The following ESRRG variants were observed in gnomAD, a reference collection of about 807,000 sequenced individuals.
ESRRG encodes the protein estrogen-related receptor gamma.
Under a neutral mutation model 44.0 loss-of-function variants are expected in ESRRG, and 13 were observed. The observed-to-expected ratio is 0.30, with a 90% CI of 0.19 to 0.47. The LOEUF is 0.47. Ranked by LOEUF, ESRRG falls within the 20% of genes least tolerant of loss-of-function variation. ESRRG has a pLI of 1.00. For missense variants in ESRRG, 395 were observed against 580.6 expected, an observed-to-expected ratio of 0.68 and a Z score of 3.29; for synonymous variants, 215 against 214.6, an observed-to-expected ratio of 1.00 and a Z score of -0.02.
intron 5 of ESRRG, among the ~76,000 whole-genome samples, chr1:216,540,643 T>C (rs1271121965): frequency 6.6e-6 from 1 of 152,022 alleles, no homozygotes; most frequent in Admixed American, 6.6e-5. Flanking sequence ...GTAATAGTGC[T>C]ACATGCTAAT....
intron 1 of ESRRG, chr1:217,000,135 A>G (rs2076842134): frequency 6.6e-6 from 1 of 152,190 alleles, no homozygotes; most frequent in East Asian, 1.9e-4. Context: ...TTTTCATCTG[A>G]ATGCTGCTTA....
chr1:216,880,895 T>G (rs910664530), intron 2 of ESRRG, among the ~76,000 whole-genome samples: 2 of 152,166 alleles, frequency 1.3e-5, no homozygotes, highest in Non-Finnish European at 2.9e-5. Context: ...CCACTATTAC[T>G]GAAAACACAC....
intron 2 of ESRRG, among the ~76,000 whole-genome samples, chr1:216,879,893 C>T (rs1316376598): frequency 6.6e-6 from 1 of 152,126 alleles, no homozygotes; most frequent in African/African-American, 2.4e-5. Flanking sequence ...TAATACATCA[C>T]TAACTAGGAT....
chr1:217,046,926 G>A (rs1263866588), intron 1 of ESRRG, among the ~76,000 whole-genome samples: 1 of 152,034 alleles, frequency 6.6e-6, no homozygotes, highest in East Asian at 1.9e-4. Flanking sequence ...CAACATCATT[G>A]GAAAGAGACA....
Position 216,735,987 on chromosome 1 carries a change from A to AAAAAAAAATAT in ESRRG, c.-13-58497_-13-58496insATATTTTTTTT, listed in dbSNP as rs1453476198. On this transcript the variant is annotated intron_variant, in intron 2 of 7. Coordinates refer to the ESRRG transcript ENST00000359162. ...AGCAATACTCCCCATCTCAAAAAAA[A>AAAAAAAAATAT]ATATATATATATATATATATACACA... Among the ~76,000 whole-genome samples, 363 of 137,070 alleles carry AAAAAAAAATAT rather than the reference A, an allele frequency of 2.6e-3. 2 individuals are homozygous for AAAAAAAAATAT. Among genetic ancestry groups the AAAAAAAAATAT allele is most frequent in the Non-Finnish European group, 3.7e-3 (235 of 63,886 alleles). The allele number at this position is 137,070 out of a possible 152,430, so 89.9% of individuals were successfully genotyped here. A position where few individuals can be genotyped will look rare whatever the true frequency, so the allele number is the denominator to read the frequency against.
intron 1 of ESRRG, among the ~76,000 whole-genome samples, chr1:216,953,993 T>A (rs1487458905): frequency 1.3e-5 from 2 of 152,054 alleles, no homozygotes; most frequent in Non-Finnish European, 2.9e-5. Context: ...GCCCAGACAC[T>A]TTATATTACT....
At chr1:216,702,260 AGATTATAGAT>A (rs2081509156) in intron 1 of ESRRG, among the ~76,000 whole-genome samples, 1 of 152,198 alleles carries the variant, frequency 6.6e-6, no homozygotes, top group Non-Finnish European at 1.5e-5. Context: ...ATTAACATCC[AGATTATAGAT>A]TCTCTAGTCT....
chr1:216,881,267 T>C (rs1186564888), intron 2 of ESRRG, among the ~76,000 whole-genome samples: 3 of 152,204 alleles, frequency 2.0e-5, no homozygotes, highest in African/African-American at 7.2e-5. Flanking sequence ...AGAAAGCAGA[T>C]GCAGATTATC....
intron 3 of ESRRG, among the ~76,000 whole-genome samples, chr1:216,577,308 A>C (rs1304219595): frequency 7.2e-5 from 11 of 152,048 alleles, no homozygotes; most frequent in African/African-American, 2.4e-4. Flanking sequence ...CTATTGAAAA[A>C]AGATACTACT....
intron 6 of ESRRG, among the ~76,000 whole-genome samples, chr1:216,510,623 C>T (rs1315850797): frequency 2.0e-5 from 3 of 152,266 alleles, no homozygotes; most frequent in Admixed American, 6.5e-5. Flanking sequence ...CGGTGGCTCA[C>T]GCCTGTAATC....
chr1:216,672,140 A>G (rs1399733161), intron 2 of ESRRG, among the ~76,000 whole-genome samples: 1 of 152,204 alleles, frequency 6.6e-6, no homozygotes, highest in Non-Finnish European at 1.5e-5. Context: ...AAGAATAACA[A>G]TATCACATCC....
At chr1:216,885,029 C>G (rs1559982575) in intron 2 of ESRRG, among the ~76,000 whole-genome samples, 1 of 152,040 alleles carries the variant, frequency 6.6e-6, no homozygotes, top group South Asian at 2.1e-4. Context: ...TGTACTGGGT[C>G]CCTGAAAGGA....
intron 3 of ESRRG, among the ~76,000 whole-genome samples, chr1:216,593,560 C>T (rs2058012321): frequency 6.6e-6 from 1 of 152,154 alleles, no homozygotes; most frequent in Non-Finnish European, 1.5e-5. Flanking sequence ...TCTAATTATT[C>T]CTCTAAAAAT....
intron 2 of ESRRG, among the ~76,000 whole-genome samples, chr1:216,773,366 GTTTTC>G (rs2093460469): frequency 6.6e-6 from 1 of 152,068 alleles, no homozygotes. Flanking sequence ...GCAACATACA[GTTTTC>G]TTTACTTCAT....
At chr1:216,912,087 A>C (rs961943302) in intron 2 of ESRRG, among the ~76,000 whole-genome samples, 1 of 148,964 alleles carries the variant, frequency 6.7e-6, no homozygotes, top group Non-Finnish European at 1.5e-5. Context: ...AGACAGAGCA[A>C]GACCCACCCT....
intron 1 of ESRRG, among the ~76,000 whole-genome samples, chr1:216,987,876 G>C (rs2075117128): frequency 1.3e-5 from 2 of 152,170 alleles, no homozygotes; most frequent in East Asian, 1.9e-4. Flanking sequence ...ATCGACAGAA[G>C]AGTTAGTATA....
intron 2 of ESRRG, among the ~76,000 whole-genome samples, chr1:216,888,058 T>G (rs2057274096): frequency 6.6e-6 from 1 of 152,100 alleles, no homozygotes; most frequent in Non-Finnish European, 1.5e-5. Context: ...AAAAAAGCTC[T>G]AGGGTTTATT....
intron 2 of ESRRG, among the ~76,000 whole-genome samples, chr1:216,653,648 T>C (rs914596716): frequency 2.0e-5 from 3 of 152,198 alleles, no homozygotes; most frequent in African/African-American, 4.8e-5. Flanking sequence ...CATCCCAATC[T>C]TTCATGAAAA....
intron 2 of ESRRG, among the ~76,000 whole-genome samples, chr1:216,905,443 A>C (rs1288407736): frequency 6.6e-6 from 1 of 152,068 alleles, no homozygotes; most frequent in Non-Finnish European, 1.5e-5. Flanking sequence ...TCTCGGCTCA[A>C]AGGTTACCCC....
Sources: gnomAD v4.1 joint callset for allele counts (sites outside exome capture counted in the v4.1 genomes callset) on GRCh38, gnomAD v4.1.1 for gene constraint, MANE v1.5 for transcripts, NCBI Gene and HGNC (gene_info 2026-07-23, HGNC 2026-07-21) for gene names.